Variants in ANKRD44 observed in about 807,000 individuals in gnomAD.
The protein encoded by ANKRD44 is ankyrin repeat domain 44.
A neutral mutation model predicts 116.0 loss-of-function variants in ANKRD44; 35 were observed. The observed-to-expected ratio is 0.30, with a 90% CI of 0.23 to 0.40. The LOEUF is 0.40. ANKRD44 is among the 10% of genes least tolerant of loss of function. The pLI is 1.00. For synonymous variants in ANKRD44, 435 were observed against 461.8 expected (o/e 0.94, Z 0.74); for missense variants, 1,014 against 1,242.6 (o/e 0.82, Z 2.77).
At chr2:197,090,162 T>C (rs2078010256) in intron 10 of ANKRD44, 130 bp from the exon 11 acceptor site, 1 of 645,450 alleles carries the variant, frequency 1.5e-6, no homozygotes, top group Non-Finnish European at 2.7e-6. Flanking sequence ...CTGAAATAAT[T>C]TGGTAATTCT....
chr2:197,281,249 C>T (rs963743439), intron 1 of ANKRD44, among the ~76,000 whole-genome samples: 1 of 152,100 alleles, frequency 6.6e-6, no homozygotes, highest in Non-Finnish European at 1.5e-5. Context: ...TGATAGGAGG[C>T]CTGATGCTTT....
At position 197,199,804 on chromosome 2, in the gene ANKRD44, G is replaced by A. The variant is rs189565434; in HGVS notation, c.28-12698C>T. Among the ~76,000 whole-genome samples the A allele has an allele frequency of 3.0e-4, 46 of 152,236 alleles. No individual in the cohort carries two copies. In the South Asian group the frequency reaches 3.1e-3, roughly 10 times the overall value. ...ATGTACTGAGGACATCCCCCAGGTC[G>A]ATAGCTACAGGATTAAATCATTTCT... On this transcript the variant is annotated intron_variant, in intron 1 of 27. Coordinates refer to ENST00000282272, the MANE Select transcript of ANKRD44 (RefSeq NM_001195144.2).
Position 197,248,178 on chromosome 2 carries a change from T to C in ANKRD44, c.28-61072A>G, listed in dbSNP as rs181231723. On this transcript the variant is annotated intron_variant, in intron 1 of 27. Transcript: ENST00000282272. ...AACCTGGTTCGCTTTATGTGTCAAA[T>C]TGGAGAGGGGTTCTGGATAAGATTA... Among the ~76,000 whole-genome samples, 9 of 152,262 alleles carry C rather than the reference T, an allele frequency of 5.9e-5. No individual in the cohort carries two copies. In the East Asian group the frequency reaches 1.5e-3, roughly 26 times the overall value.
chr2:197,254,620 CACACACACACAT>C (rs917505987), intron 1 of ANKRD44, among the ~76,000 whole-genome samples: 15 of 139,232 alleles, frequency 1.1e-4, no homozygotes, highest in Non-Finnish European at 1.9e-4. Context: ...CACACACACA[CACACACACACAT>C]ATATATATTT....
chr2:197,166,788 A>G (rs2080111793), intron 2 of ANKRD44, among the ~76,000 whole-genome samples: 1 of 152,212 alleles, frequency 6.6e-6, no homozygotes, highest in African/African-American at 2.4e-5. Flanking sequence ...CACTCTGGCC[A>G]CCAATGCTCA....
chr2:197,140,030 C>T (rs920316529), intron 3 of ANKRD44, among the ~76,000 whole-genome samples: 5 of 152,036 alleles, frequency 3.3e-5, no homozygotes, highest in Non-Finnish European at 7.4e-5. Flanking sequence ...CAGGTACCTG[C>T]CATCATGCCC....
At position 196,987,199 on chromosome 2, in the gene ANKRD44, G is replaced by A. The variant is rs777743672; in HGVS notation, c.*2392C>T. The A allele has an allele frequency of 3.0e-5, 30 of 985,204 alleles. No individual in the cohort carries two copies. The highest frequency in any genetic ancestry group is 1.9e-4 in the South Asian group (4 of 21,296). The allele number at this position is 985,204 out of a possible 1,614,324, so 61.0% of individuals were successfully genotyped here. A position where few individuals can be genotyped will look rare whatever the true frequency, so the allele number is the denominator to read the frequency against. On this transcript the variant is annotated 3_prime_UTR_variant, in exon 28 of 28. Transcript: ENST00000282272. The stretch of plus-strand genomic sequence containing the variant: ...CCTATGGTTTATAGTTTCGTAAGAC[G>A]AAAGCATTTTAGCACTGCAAAATCA...
rs71012942 is a variant in ANKRD44, at chr2:196,979,554, C to CTTT, written c.2369-12111_2369-12109dup. Reference sequence around the variant, plus strand: ...CAGCCTGAGTAATTTAATAAGATGACTTTTTTTTTTTTTTTTTTTTTTTTT... The same window carrying CTTT: ...CAGCCTGAGTAATTTAATAAGATGACTTTTTTTTTTTTTTTTTTTTTTTTTTTT... On this transcript the variant is annotated intron_variant, in intron 21 of 21. Coordinates refer to the ANKRD44 transcript ENST00000424317. 2.9e-4 allele frequency among the ~76,000 whole-genome samples: 17 copies of CTTT among 59,644 alleles called. 1 individual carries two copies. Among genetic ancestry groups the CTTT allele is most frequent in the East Asian group, 2.0e-3 (3 of 1,536 alleles). 39.1% of individuals were successfully genotyped at this position (59,644 alleles called of 152,430 possible).
chr2:197,214,412 GC>G (rs1267736337), intron 1 of ANKRD44, among the ~76,000 whole-genome samples: 1 of 152,072 alleles, frequency 6.6e-6, no homozygotes, highest in East Asian at 1.9e-4. Context: ...CTGGCACCTG[GC>G]AAACATGCAA....
chr2:197,230,589 C>G (rs751663357), intron 1 of ANKRD44, among the ~76,000 whole-genome samples: 1 of 152,128 alleles, frequency 6.6e-6, no homozygotes, highest in African/African-American at 2.4e-5. Flanking sequence ...ATTTTTATGG[C>G]ATGTTATCAG....
intron 16 of ANKRD44, among the ~76,000 whole-genome samples, chr2:197,068,013 A>G (rs2077471257): frequency 6.7e-6 from 1 of 148,378 alleles, no homozygotes. Context: ...CATATACACC[A>G]TGGAATACTA....
chr2:197,188,442 G>A (rs1239652561), intron 1 of ANKRD44, among the ~76,000 whole-genome samples: 6 of 152,206 alleles, frequency 3.9e-5, no homozygotes, highest in Admixed American at 3.9e-4. Context: ...GGGTAAAAGA[G>A]GAACAGTGGC....
At chr2:196,975,132 T>C (rs976072709) in intron 21 of ANKRD44, among the ~76,000 whole-genome samples, 2 of 151,996 alleles carry the variant, frequency 1.3e-5, no homozygotes, top group African/African-American at 4.8e-5. Flanking sequence ...AGAGGGGACA[T>C]TACTACTAAC....
At chr2:197,168,609 G>C (rs1331497082) in intron 2 of ANKRD44, among the ~76,000 whole-genome samples, 1 of 152,100 alleles carries the variant, frequency 6.6e-6, no homozygotes, top group African/African-American at 2.4e-5. Context: ...TCTCAGAAAT[G>C]AATTGCTCCT....
intron 17 of ANKRD44, among the ~76,000 whole-genome samples, chr2:197,023,045 GCA>G (rs902892226): frequency 1.3e-5 from 2 of 152,206 alleles, no homozygotes; most frequent in Non-Finnish European, 2.9e-5. Context: ...ACAGTGCTTG[GCA>G]CTATTCACAG....
At position 197,125,405 on chromosome 2, in the gene ANKRD44, C is replaced by A. The variant is rs1178936658; in HGVS notation, c.526G>T (p.Ala176Ser). Residue 176 changes from alanine (A) to serine (S), a missense_variant, in exon 6 of 28, where the codon GCT becomes TCT. Transcript: ENST00000282272. ...INAFDKKDRR[A>S]LHWAAYMGHL... ...CCCATGTATGCTGCCCAGTGCAGAG[C>A]ACGCCGGTCCTTCTTGTCAAATGCA... is the stretch of plus-strand genomic sequence containing the variant. The A allele has an allele frequency of 1.2e-6, 2 of 1,614,094 alleles. No homozygotes were observed. The highest frequency in any genetic ancestry group is 1.7e-5 in the Admixed American group (1 of 60,016).
chr2:197,146,986 T>G (rs1297259978), intron 3 of ANKRD44, 41 bp downstream of exon 3: 1 of 1,581,640 alleles, frequency 6.3e-7, no homozygotes, highest in Non-Finnish European at 8.7e-7. Flanking sequence ...GTTATTTAAA[T>G]TTTTATTTGC....
At chr2:197,273,761 G>T (rs1574415723) in intron 1 of ANKRD44, among the ~76,000 whole-genome samples, 1 of 151,870 alleles carries the variant, frequency 6.6e-6, no homozygotes, top group African/African-American at 2.4e-5. Context: ...AAGGCCTAAG[G>T]CCCTAAATCA....
chr2:197,142,126 A>T (rs886410672), intron 3 of ANKRD44, among the ~76,000 whole-genome samples: 1 of 152,216 alleles, frequency 6.6e-6, no homozygotes, highest in African/African-American at 2.4e-5. Flanking sequence ...CTGTAATTAC[A>T]AACTAAGGAT....
Sources: allele counts gnomAD v4.1 joint callset (sites outside exome capture counted in the v4.1 genomes callset), GRCh38; gene constraint gnomAD v4.1.1; transcripts MANE v1.5; gene names NCBI Gene and HGNC (gene_info 2026-07-23, HGNC 2026-07-21).